The following SMIM20 variants were observed in gnomAD, a reference collection of about 807,000 sequenced individuals.
The protein encoded by SMIM20 is small integral membrane protein 20.
SMIM20 carries 3 observed loss-of-function variants against 8.7 expected under a neutral mutation model. The ratio of observed to expected loss-of-function variants is 0.34; its 90% CI spans 0.16 to 0.89. SMIM20 has a LOEUF of 0.89. Among genes scored for constraint, SMIM20 ranks in the 40% least tolerant of loss-of-function variants. The pLI, the probability that SMIM20 is intolerant of heterozygous loss-of-function variation, is 0.49. For missense variants in SMIM20, 85 were observed against 84.8 expected (o/e 1.00, Z -0.01); for synonymous variants, 44 against 33.6 (o/e 1.31, Z -1.07).
At chr4:25,921,688 G>A (rs1719205246) in intron 1 of SMIM20, among the ~76,000 whole-genome samples, 2 of 152,220 alleles carry the variant, frequency 1.3e-5, no homozygotes, top group Non-Finnish European at 2.9e-5. Context: ...TCAGCACGTG[G>A]CTGGGAATCA....
intron 1 of SMIM20, among the ~76,000 whole-genome samples, chr4:25,924,133 C>T (rs1481001550): frequency 3.3e-5 from 5 of 152,222 alleles, no homozygotes; most frequent in Admixed American, 3.3e-4. Flanking sequence ...CACTCACCAC[C>T]AGTGAACCTC....
At chr4:25,926,979 A>G (rs756292114) in intron 1 of SMIM20, among the ~76,000 whole-genome samples, 2 of 152,228 alleles carry the variant, frequency 1.3e-5, no homozygotes, top group Non-Finnish European at 2.9e-5. Flanking sequence ...GCTCAGTTCT[A>G]CAATGATTTA....
chr4:25,925,079 A>C (rs1245085036), intron 1 of SMIM20, among the ~76,000 whole-genome samples: 1 of 152,142 alleles, frequency 6.6e-6, no homozygotes, highest in Non-Finnish European at 1.5e-5. Flanking sequence ...ATATATGTAA[A>C]TATTCCAAAA....
chr4:25,915,627 G>C (rs117719243), intron 1 of SMIM20, among the ~76,000 whole-genome samples: 1 of 152,136 alleles, frequency 6.6e-6, no homozygotes, highest in South Asian at 2.1e-4. Context: ...GGAGTAAGGT[G>C]GGCTGTGTGA....
At chr4:25,926,231 AGGGACTC>A (rs1719290290) in intron 1 of SMIM20, among the ~76,000 whole-genome samples, 1 of 152,218 alleles carries the variant, frequency 6.6e-6, no homozygotes, top group African/African-American at 2.4e-5. Context: ...CTAAATCGTG[AGGGACTC>A]GTTTCTGTTT....
At chr4:25,919,548 A>G (rs1262974162) in intron 1 of SMIM20, among the ~76,000 whole-genome samples, 1 of 151,084 alleles carries the variant, frequency 6.6e-6, no homozygotes, top group Non-Finnish European at 1.5e-5. Context: ...GGCTTTCACC[A>G]TGTTGCCCAG....
intron 1 of SMIM20, among the ~76,000 whole-genome samples, chr4:25,926,004 G>GT (rs1448669131): frequency 2.0e-5 from 3 of 152,172 alleles, no homozygotes; most frequent in African/African-American, 7.2e-5. Context: ...GGAGTGGGGA[G>GT]TTTTTTAACC....
intron 1 of SMIM20, 96 bp downstream of exon 1, chr4:25,914,518 C>T (rs981460989): frequency 4.0e-6 from 5 of 1,255,902 alleles, no homozygotes; most frequent in Non-Finnish European, 5.2e-6. Context: ...GAACTTGGCT[C>T]GAGGGTTAGG....
intron 1 of SMIM20, among the ~76,000 whole-genome samples, chr4:25,921,198 C>T (rs1332497949): frequency 6.6e-6 from 1 of 152,052 alleles, no homozygotes; most frequent in Non-Finnish European, 1.5e-5. Flanking sequence ...AGAGTGGTGG[C>T]TATGGGAGTG....
intron 1 of SMIM20, among the ~76,000 whole-genome samples, chr4:25,917,348 G>C (rs998859646): frequency 3.3e-5 from 5 of 152,012 alleles, no homozygotes; most frequent in Admixed American, 6.6e-5. Context: ...GAATTAAATG[G>C]GGTAACAGGT....
intron 1 of SMIM20, among the ~76,000 whole-genome samples, chr4:25,920,817 A>C (rs1719183973): frequency 1.3e-5 from 2 of 152,238 alleles, no homozygotes. Context: ...GTTTAGACAC[A>C]CAAATCTTTA....
At chr4:25,928,399 A>G in intron 2 of SMIM20, 30 bp downstream of exon 2, 1 of 1,544,988 alleles carries the variant, frequency 6.5e-7, no homozygotes, top group Non-Finnish European at 8.7e-7. Flanking sequence ...TCAAAACCAA[A>G]TCTTATTTGT....
intron 1 of SMIM20, among the ~76,000 whole-genome samples, chr4:25,919,522 T>A (rs560935905): frequency 6.6e-6 from 1 of 151,744 alleles, no homozygotes; most frequent in South Asian, 2.1e-4. Flanking sequence ...TTTTTTCCTG[T>A]ATTTTAGTAG....
chr4:25,914,688 A>C (rs541098884), intron 1 of SMIM20, among the ~76,000 whole-genome samples: 1 of 152,354 alleles, frequency 6.6e-6, no homozygotes, highest in South Asian at 2.1e-4. Flanking sequence ...ATGTATATGA[A>C]AGCAGTCCTC....
chr4:25,914,285 C>T lies in SMIM20; in HGVS notation c.-29C>T, dbSNP rs770813067. The T allele has an allele frequency of 8.5e-6, 13 of 1,533,564 alleles. No individual in the cohort carries two copies. The highest frequency in any genetic ancestry group is 1.1e-5 in the Non-Finnish European group (13 of 1,136,332). The allele number at this position is 1,533,564 out of a possible 1,614,324, so 95.0% of individuals were successfully genotyped here. On this transcript the variant is annotated 5_prime_UTR_variant, in exon 1 of 3. Transcript: ENST00000506197. ...GTTTCCGAGAGTGCCGGGCGGTCGG[C>T]GGGTCAGGGCAGCCCGGGGCCTGAC...
chr4:25,926,715 GTGTT>G (rs1711520292), intron 1 of SMIM20, among the ~76,000 whole-genome samples: 2 of 152,226 alleles, frequency 1.3e-5, no homozygotes, highest in African/African-American at 2.4e-5. Context: ...TCTGGACAAT[GTGTT>G]TGGTACACCA....
intron 1 of SMIM20, among the ~76,000 whole-genome samples, chr4:25,926,319 T>A (rs1255494172): frequency 6.6e-6 from 1 of 152,246 alleles, no homozygotes; most frequent in Non-Finnish European, 1.5e-5. Context: ...ATAAGACTGC[T>A]TTGGCCTTAG....
At chr4:25,923,411 A>G (rs2109364897) in intron 1 of SMIM20, among the ~76,000 whole-genome samples, 1 of 152,336 alleles carries the variant, frequency 6.6e-6, no homozygotes, top group African/African-American at 2.4e-5. Context: ...GATGTTCAGA[A>G]GCATAAAATC....
chr4:25,925,482 C>T (rs1719275306), intron 1 of SMIM20, among the ~76,000 whole-genome samples: 2 of 152,168 alleles, frequency 1.3e-5, no homozygotes, highest in Non-Finnish European at 2.9e-5. Context: ...GGTGATCCAC[C>T]CGCCTCGGCC....
Sources: gnomAD v4.1 joint callset for allele counts (sites outside exome capture counted in the v4.1 genomes callset) on GRCh38, gnomAD v4.1.1 for gene constraint, MANE v1.5 for transcripts, NCBI Gene and HGNC (gene_info 2026-07-23, HGNC 2026-07-21) for gene names.